The following SPAG16 variants were observed in gnomAD, a reference collection of about 807,000 sequenced individuals.
SPAG16 encodes sperm-associated antigen 16 protein.
SPAG16 carries 86 observed loss-of-function variants against 80.4 expected under a neutral mutation model. The ratio of observed to expected loss-of-function variants is 1.07; its 90% CI spans 0.90 to 1.28. SPAG16 has a LOEUF of 1.28. SPAG16 is among the 50% of genes most tolerant of loss of function. The pLI, the probability that SPAG16 is intolerant of heterozygous loss-of-function variation, is 0.00. For synonymous variants in SPAG16, 294 were observed against 265.9 expected, an observed-to-expected ratio of 1.11 and a Z score of -1.03; for missense variants, 870 against 765.3, an observed-to-expected ratio of 1.14 and a Z score of -1.61.
At chr2:214,393,883 T>C (rs1333203354) in intron 15 of SPAG16, among the ~76,000 whole-genome samples, 2 of 152,154 alleles carry the variant, frequency 1.3e-5, no homozygotes, top group Non-Finnish European at 2.9e-5. Flanking sequence ...AAAGCTCAAA[T>C]AATGTCTATT....
chr2:214,117,495 T>C (rs1484647480), intron 14 of SPAG16, among the ~76,000 whole-genome samples: 1 of 152,138 alleles, frequency 6.6e-6, no homozygotes, highest in Non-Finnish European at 1.5e-5. Flanking sequence ...TACTAACTCA[T>C]CCTATGAGAA....
chr2:213,312,681 T>C (rs2063244206), intron 4 of SPAG16, among the ~76,000 whole-genome samples: 1 of 151,770 alleles, frequency 6.6e-6, no homozygotes, highest in African/African-American at 2.4e-5. Context: ...GAAAATGCCA[T>C]CAAAAGTAAT....
chr2:213,457,581 TTTC>T (rs2125598924), intron 9 of SPAG16, among the ~76,000 whole-genome samples: 1 of 152,278 alleles, frequency 6.6e-6, no homozygotes, highest in East Asian at 1.9e-4. Flanking sequence ...GGGTGTCCCT[TTTC>T]TTTTTTTTAA....
intron 9 of SPAG16, among the ~76,000 whole-genome samples, chr2:213,393,793 C>A (rs1214741208): frequency 6.6e-6 from 1 of 151,958 alleles, no homozygotes; most frequent in Non-Finnish European, 1.5e-5. Context: ...TTATTTTTCC[C>A]AAGCAAATGA....
chr2:214,052,367 G>C (rs2049695482), intron 13 of SPAG16, among the ~76,000 whole-genome samples: 1 of 152,308 alleles, frequency 6.6e-6, no homozygotes, highest in Middle Eastern at 3.4e-3. Context: ...CAGTTACACA[G>C]CTTTCAACGT....
At chr2:213,418,845 T>A (rs893402440) in intron 9 of SPAG16, among the ~76,000 whole-genome samples, 2 of 152,202 alleles carry the variant, frequency 1.3e-5, no homozygotes, top group South Asian at 4.1e-4. Flanking sequence ...AGGCAGCTGA[T>A]CATTGCTCTG....
chr2:214,410,165 C>G lies in SPAG16; in HGVS notation c.1746C>G (p.Gly582=), dbSNP rs1559280331. Residue 582 remains glycine, a synonymous_variant, in exon 16 of 16, where the codon GGC becomes GGG. Transcript: ENST00000331683. ...GTCGAGTTTTAGCTCAGGCAAGTGG[C>G]AATGGTGTTATCCATTTGCTAGATC... ...SSGRVLAQAS[G]NGVIHLLDLK... The G allele has an allele frequency of 1.2e-6, 2 of 1,613,920 alleles. No individual in the cohort carries two copies. Among genetic ancestry groups the G allele is most frequent in the Non-Finnish European group, 1.7e-6 (2 of 1,179,824 alleles).
intron 15 of SPAG16, among the ~76,000 whole-genome samples, chr2:214,249,088 A>T (rs1690060976): frequency 6.6e-6 from 1 of 152,220 alleles, no homozygotes; most frequent in Non-Finnish European, 1.5e-5. Context: ...GCACCCTCTG[A>T]AGGCAAAGAA....
chr2:214,000,494 G>A (rs933563825), intron 12 of SPAG16, among the ~76,000 whole-genome samples: 1 of 152,156 alleles, frequency 6.6e-6, no homozygotes, highest in African/African-American at 2.4e-5. Context: ...TGTCTCTTCA[G>A]AGAACACGAA....
chr2:213,892,578 C>T (rs2076825715), intron 11 of SPAG16, among the ~76,000 whole-genome samples: 1 of 151,914 alleles, frequency 6.6e-6, no homozygotes, highest in African/African-American at 2.4e-5. Context: ...AAAAGAAATT[C>T]AGAAATATAT....
At chr2:214,331,120 G>C (rs1190961905) in intron 15 of SPAG16, among the ~76,000 whole-genome samples, 1 of 151,986 alleles carries the variant, frequency 6.6e-6, no homozygotes. Context: ...CTAATTCCTG[G>C]GGCTCCGGCA....
chr2:213,848,341 G>C (rs1226919601), intron 10 of SPAG16, among the ~76,000 whole-genome samples: 1 of 152,198 alleles, frequency 6.6e-6, no homozygotes, highest in African/African-American at 2.4e-5. Context: ...AGAGATAACT[G>C]CATGGAAGTA....
intron 1 of SPAG16, among the ~76,000 whole-genome samples, chr2:213,286,407 T>C (rs922418194): frequency 1.3e-5 from 2 of 152,200 alleles, no homozygotes; most frequent in Non-Finnish European, 2.9e-5. Context: ...TCAGTTGAAA[T>C]GAAGTTTGAG....
At position 214,410,244 on chromosome 2, in the gene SPAG16, G is replaced by T. The variant is rs1484044223; in HGVS notation, c.1825G>T (p.Val609Phe). The T allele has an allele frequency of 1.2e-6, 2 of 1,611,978 alleles. No individual in the cohort carries two copies. Among genetic ancestry groups the T allele is most frequent in the Middle Eastern group, 1.7e-4 (1 of 6,052 alleles). ...GGGCCACGAAAACGAGGCACACACG[G>T]TTGTGTTTTCTCACGACGGGGAGAT... ...LMGHENEAHTVVFSHDGEILF... is the reference protein window; with the variant it reads ...LMGHENEAHTFVFSHDGEILF... The change falls in exon 16 of 16, where the codon GTT becomes TTT. Residue 609 changes from valine (V) to phenylalanine (F), a missense_variant. By Grantham distance (50) the Val-to-Phe change is conservative (BLOSUM62 -1). Coordinates refer to ENST00000331683, the MANE Select transcript of SPAG16 (RefSeq NM_024532.5).
intron 10 of SPAG16, among the ~76,000 whole-genome samples, chr2:213,701,309 G>A (rs758632971): frequency 1.4e-4 from 21 of 152,340 alleles, no homozygotes; most frequent in Non-Finnish European, 2.4e-4. Context: ...CTGTAAGGAC[G>A]TAGGAGTCTC....
intron 8 of SPAG16, among the ~76,000 whole-genome samples, chr2:213,369,240 A>G (rs146986124): frequency 8.1e-4 from 124 of 152,342 alleles, no homozygotes; most frequent in African/African-American, 2.8e-3. Context: ...TCAAAAAAGT[A>G]TATTTGCCAG....
chr2:214,344,079 C>T (rs1697900825), intron 15 of SPAG16, among the ~76,000 whole-genome samples: 1 of 152,110 alleles, frequency 6.6e-6, no homozygotes. Flanking sequence ...ACTGAAAGCA[C>T]ATTCATCAAG....
At chr2:214,199,478 A>G (rs2057948519) in intron 15 of SPAG16, among the ~76,000 whole-genome samples, 1 of 152,136 alleles carries the variant, frequency 6.6e-6, no homozygotes, top group Admixed American at 6.6e-5. Flanking sequence ...TTTTTATACC[A>G]GTATCATGCT....
intron 12 of SPAG16, among the ~76,000 whole-genome samples, chr2:214,001,861 G>A (rs1202497980): frequency 3.3e-5 from 5 of 152,034 alleles, no homozygotes; most frequent in South Asian, 4.1e-4. Context: ...GAGTTTGTGC[G>A]TATTAGTCCG....
Sources: gnomAD v4.1 joint callset for allele counts (sites outside exome capture counted in the v4.1 genomes callset) on GRCh38, gnomAD v4.1.1 for gene constraint, MANE v1.5 for transcripts, NCBI Gene and HGNC (gene_info 2026-07-23, HGNC 2026-07-21) for gene names.